The following PRDM15 variants were observed in gnomAD, a reference collection of about 807,000 sequenced individuals.
The protein encoded by PRDM15 is PR domain zinc finger protein 15.
Under a neutral mutation model 128.6 loss-of-function variants are expected in PRDM15, and 64 were observed. That is an observed-to-expected ratio of 0.50 (90% confidence interval 0.41 to 0.61). The LOEUF (loss-of-function observed/expected upper bound fraction) is 0.61, where lower values mean the gene tolerates loss of function less well. Among genes scored for constraint, PRDM15 ranks in the 20% least tolerant of loss-of-function variants. The pLI, the probability that PRDM15 is intolerant of heterozygous loss-of-function variation, is 0.00. For synonymous variants in PRDM15, 615 were observed against 621.8 expected, an observed-to-expected ratio of 0.99 and a Z score of 0.16; for missense variants, 1,242 against 1,569.1, an observed-to-expected ratio of 0.79 and a Z score of 3.52.
chr21:41,835,220 G>C (rs2062832188), intron 11 of PRDM15, among the ~76,000 whole-genome samples: 1 of 152,154 alleles, frequency 6.6e-6, no homozygotes. Context: ...GACAAATGCA[G>C]GAAGAAAATC....
chr21:41,847,272 G>A (rs915286547), intron 5 of PRDM15, 81 bp from the exon 6 acceptor site: 2 of 993,164 alleles, frequency 2.0e-6, no homozygotes, highest in South Asian at 3.1e-5. Context: ...GCGGAGGAGG[G>A]GTGTGTGCTG....
intron 1 of PRDM15, among the ~76,000 whole-genome samples, chr21:41,878,474 C>T (rs933934332): frequency 4.6e-5 from 7 of 152,182 alleles, no homozygotes; most frequent in African/African-American, 1.7e-4. Context: ...AGGCTAACCC[C>T]TGCGTGAACA....
intron 5 of PRDM15, among the ~76,000 whole-genome samples, chr21:41,852,838 G>A (rs1006390083): frequency 6.6e-6 from 1 of 152,346 alleles, no homozygotes; most frequent in East Asian, 1.9e-4. Context: ...CCACCTTTGG[G>A]AGAGGATGTG....
chr21:41,820,262 A>C, intron 16 of PRDM15, 88 bp from the exon 17 acceptor site: 3 of 996,372 alleles, frequency 3.0e-6, no homozygotes, highest in Non-Finnish European at 3.1e-6. Context: ...TCATCTGCAA[A>C]GGTGAGGCAA....
chr21:41,860,234 C>T (rs558785451), intron 2 of PRDM15, 93 bp downstream of exon 2: 114 of 886,180 alleles, frequency 1.3e-4, no homozygotes, highest in South Asian at 9.7e-4. Flanking sequence ...CAAATGTAGA[C>T]GTGGCTTTGC....
intron 1 of PRDM15, among the ~76,000 whole-genome samples, chr21:41,864,413 T>C (rs142033764): frequency 1.3e-5 from 2 of 152,190 alleles, no homozygotes; most frequent in Non-Finnish European, 2.9e-5. Context: ...AAAAACACAA[T>C]CTATAAAAGG....
chr21:41,818,014 C>G (rs1301886428), intron 18 of PRDM15, among the ~76,000 whole-genome samples: 1 of 152,226 alleles, frequency 6.6e-6, no homozygotes, highest in Non-Finnish European at 1.5e-5. Flanking sequence ...CTGCAGGGGA[C>G]CCAGGTGTGG....
intron 17 of PRDM15, 73 bp downstream of exon 17, chr21:41,820,022 G>A: frequency 7.8e-7 from 1 of 1,280,194 alleles, no homozygotes; most frequent in Non-Finnish European, 1.1e-6. Flanking sequence ...AGAATACGCG[G>A]AGACCCCCAG....
intron 5 of PRDM15, among the ~76,000 whole-genome samples, chr21:41,850,736 A>G (rs2063403232): frequency 6.6e-6 from 1 of 152,132 alleles, no homozygotes; most frequent in African/African-American, 2.4e-5. Flanking sequence ...TATCTCAAAA[A>G]ACTACAAAAA....
chr21:41,873,629 T>A (rs573792142), intron 1 of PRDM15, among the ~76,000 whole-genome samples: 2 of 152,350 alleles, frequency 1.3e-5, no homozygotes, highest in African/African-American at 4.8e-5. Context: ...GTACTGTTTA[T>A]GATTTCTTCT....
chr21:41,875,251 C>T (rs778319273), intron 1 of PRDM15, among the ~76,000 whole-genome samples: 1 of 152,402 alleles, frequency 6.6e-6, no homozygotes, highest in East Asian at 1.9e-4. Flanking sequence ...GCTACCTAGA[C>T]CTCCGTCCCT....
Position 41,819,839 on chromosome 21 carries a change from C to T in PRDM15, c.2141-138G>A, listed in dbSNP as rs111639240. The T allele has an allele frequency of 4.6e-4, 523 of 1,131,804 alleles. No individual in the cohort carries two copies. In the African/African-American group the frequency reaches 6.9e-3, roughly 15 times the overall value. The allele number at this position is 1,131,804 out of a possible 1,614,324, so 70.1% of individuals were successfully genotyped here. The stretch of plus-strand genomic sequence containing the variant: ...AACAGGGGTGGGGTCGCCTCTTCAG[C>T]GGCCTCCACAGAGCCCTCCCGGGGA... On this transcript the variant is annotated intron_variant, in intron 17 of 23. Transcript: ENST00000398548.
In PRDM15 at chr21:41,821,996, G is replaced by T; in HGVS notation, c.1803C>A (p.Ile601=). ...LMDDHQREEF[I]GKIGISSEEN... is the part of the protein sequence containing the mutation. ...CTTCCGAGGAGATCCCGATCTTGCC[G>T]ATAAACTCTTCCCTCTGGTGGTCAT... Residue 601 remains isoleucine (I), a synonymous_variant, in exon 15 of 24, where the codon ATC becomes ATA. Transcript: ENST00000398548. The surrounding 1 kb of genome is among the most constrained non-coding windows in gnomAD (Gnocchi z 5.4). 6.2e-7 allele frequency: 1 copy of T among 1,614,142 alleles called. No individual in the cohort carries two copies. The highest frequency in any genetic ancestry group is 8.5e-7 in the Non-Finnish European group (1 of 1,180,042).
intron 6 of PRDM15, among the ~76,000 whole-genome samples, chr21:41,844,498 TC>T (rs2063174786): frequency 1.2e-4 from 1 of 8,306 alleles, no homozygotes; most frequent in Non-Finnish European, 2.2e-4. Flanking sequence ...ACACAGTCCC[TC>T]CCCCCTCACA....
chr21:41,869,305 G>T (rs1160827738), intron 1 of PRDM15, among the ~76,000 whole-genome samples: 1 of 151,978 alleles, frequency 6.6e-6, no homozygotes, highest in Non-Finnish European at 1.5e-5. Context: ...CTTTAAGAGG[G>T]AGTCTCACTC....
chr21:41,874,518 TATATATA>T (rs1173748653), intron 1 of PRDM15, among the ~76,000 whole-genome samples: 123 of 78,794 alleles, frequency 1.6e-3, no homozygotes, highest in African/African-American at 4.7e-3. Flanking sequence ...TATATATATA[TATATATA>T]TTTTTTTTTT....
intron 1 of PRDM15, among the ~76,000 whole-genome samples, chr21:41,875,913 A>G (rs1466853942): frequency 6.6e-6 from 1 of 152,156 alleles, no homozygotes; most frequent in Non-Finnish European, 1.5e-5. Context: ...TGCAAACATG[A>G]TAGAGTGTAC....
In PRDM15 at chr21:41,836,093, C is replaced by T. The variant is rs2062879879; in HGVS notation, c.1278+20G>A. 1.3e-6 allele frequency: 2 copies of T among 1,585,406 alleles called. No homozygotes were observed. The highest frequency in any genetic ancestry group is 1.3e-5 in the African/African-American group (1 of 74,190). On this transcript the variant is annotated intron_variant, in intron 10 of 23. Coordinates refer to ENST00000398548, the MANE Select transcript of PRDM15 (RefSeq NM_001040424.3). The stretch of plus-strand genomic sequence containing the variant: ...TGTCCACACAACTGGGAAGAGAACC[C>T]TGGGCTTGTTTCCACCCACCTCGTT...
chr21:41,829,243 A>G (rs1040605006), intron 11 of PRDM15, among the ~76,000 whole-genome samples: 19 of 148,340 alleles, frequency 1.3e-4, no homozygotes, highest in Non-Finnish European at 2.5e-4. Flanking sequence ...ATGCAAATAC[A>G]TACACACCCA....
Sources: gnomAD v4.1 joint callset for allele counts (sites outside exome capture counted in the v4.1 genomes callset) on GRCh38, gnomAD v4.1.1 for gene constraint, Gnocchi (gnomAD v3.1) non-coding constraint, MANE v1.5 for transcripts, NCBI Gene and HGNC (gene_info 2026-07-23, HGNC 2026-07-21) for gene names.